AVEN: variants seen among roughly 807,000 people sequenced by gnomAD.
AVEN encodes cell death regulator Aven.
Under a neutral mutation model 38.1 loss-of-function variants are expected in AVEN, and 41 were observed. That is an observed-to-expected ratio of 1.08 (90% confidence interval 0.84 to 1.40). The LOEUF (loss-of-function observed/expected upper bound fraction) is 1.40. Among genes scored for constraint, AVEN ranks in the 40% most tolerant of loss-of-function variants. The pLI is 0.00. For synonymous variants in AVEN, 206 were observed against 171.8 expected (o/e 1.20, Z -1.56); for missense variants, 605 against 438.8 (o/e 1.38, Z -3.38).
intron 2 of AVEN, chr15:33,885,625 T>G (rs1319500050): frequency 6.6e-6 from 1 of 152,196 alleles, no homozygotes; most frequent in African/African-American, 2.4e-5. Flanking sequence ...TCTCACCAAG[T>G]GTAGGGCCCA....
chr15:33,946,608 G>C lies in AVEN; in HGVS notation c.445+56424C>G, dbSNP rs1374156566. ...AGATGTCATGACTGCTATGGCGCAA[G>C]AGGAAGCAGGCCGGTGGGTAGGAAG... On this transcript the variant is annotated intron_variant, in intron 2 of 5. Transcript: ENST00000306730. Among the ~76,000 whole-genome samples the C allele has an allele frequency of 3.3e-5, 5 of 152,242 alleles. No individual in the cohort carries two copies. The East Asian group carries it at 9.7e-4, about 30-fold the overall frequency.
chr15:34,034,777 CAGG>C (rs1899038908), intron 1 of AVEN, among the ~76,000 whole-genome samples: 1 of 152,152 alleles, frequency 6.6e-6, no homozygotes, highest in Admixed American at 6.5e-5. Flanking sequence ...TGGTTTGCAG[CAGG>C]AGGAGAGGTC....
At chr15:33,926,719 A>G (rs1336675855) in intron 2 of AVEN, among the ~76,000 whole-genome samples, 1 of 152,140 alleles carries the variant, frequency 6.6e-6, no homozygotes, top group African/African-American at 2.4e-5. Flanking sequence ...GGAGTGCACA[A>G]TCTCAGCTCA....
chr15:33,898,375 C>G (rs1892336592), intron 2 of AVEN, among the ~76,000 whole-genome samples: 1 of 152,202 alleles, frequency 6.6e-6, no homozygotes, highest in African/African-American at 2.4e-5. Context: ...CTTAAAACAA[C>G]AGAAACTTAT....
At chr15:33,931,780 C>T (rs1893863208) in intron 2 of AVEN, among the ~76,000 whole-genome samples, 1 of 152,124 alleles carries the variant, frequency 6.6e-6, no homozygotes, top group Admixed American at 6.5e-5. Context: ...TTAGAATTCA[C>T]ATAGTAAGCA....
At chr15:33,865,899 C>T (rs1217978615), downstream of AVEN, 1 of 152,206 alleles carries the variant, frequency 6.6e-6, no homozygotes, top group Non-Finnish European at 1.5e-5. Flanking sequence ...GTTATTCATA[C>T]AAGTTTTTTT....
At chr15:33,856,000 G>T (rs180881457), downstream of AVEN, 1 of 152,248 alleles carries the variant, frequency 6.6e-6, no homozygotes, top group Non-Finnish European at 1.5e-5. Flanking sequence ...AAGTTACAGT[G>T]TGCCAAGCTC....
intron 1 of AVEN, among the ~76,000 whole-genome samples, chr15:34,022,042 C>T (rs548013232): frequency 2.6e-5 from 4 of 152,298 alleles, no homozygotes; most frequent in Non-Finnish European, 5.9e-5. Flanking sequence ...TGGAATAAGA[C>T]GGCATTGTTT....
downstream of AVEN, chr15:33,857,929 A>G (rs1178782053): frequency 1.4e-6 from 2 of 1,380,050 alleles, no homozygotes; most frequent in Admixed American, 3.8e-5. Context: ...GAGCCCACCC[A>G]CTGCGGGGCC....
At chr15:33,895,947 G>A (rs894719904) in intron 2 of AVEN, among the ~76,000 whole-genome samples, 7 of 152,058 alleles carry the variant, frequency 4.6e-5, no homozygotes, top group African/African-American at 4.8e-5. Context: ...GCCTCCTAAC[G>A]CATAAGGCAG....
rs1255778137 is a variant in AVEN, at chr15:33,937,543, AAT to A, written c.446-61550_446-61549del. ...GCGAGACTCCATCTCAAAAAAAAAA[AAT>A]AAATCCTTCTACGGACTAAATGGTA... On this transcript the variant is annotated intron_variant, in intron 2 of 5. Coordinates refer to ENST00000306730, the MANE Select transcript of AVEN (RefSeq NM_020371.3). Among the ~76,000 whole-genome samples, 19 of 152,228 alleles carry A rather than the reference AAT, an allele frequency of 1.2e-4. No homozygotes were observed. The South Asian group carries it at 2.7e-3, about 22-fold the overall frequency.
intron 2 of AVEN, among the ~76,000 whole-genome samples, chr15:33,884,007 C>G (rs1891598130): frequency 6.6e-6 from 1 of 152,120 alleles, no homozygotes; most frequent in Non-Finnish European, 1.5e-5. Flanking sequence ...TGGCTCACAG[C>G]ATTTGTTATT....
downstream of AVEN, chr15:33,861,302 G>C: frequency 3.2e-6 from 2 of 627,230 alleles, no homozygotes; most frequent in South Asian, 1.8e-5. Flanking sequence ...GTCCCCATGA[G>C]CCTGTACCTT....
chr15:33,891,304 A>G (rs900964486), intron 2 of AVEN, among the ~76,000 whole-genome samples: 1 of 152,160 alleles, frequency 6.6e-6, no homozygotes, highest in Non-Finnish European at 1.5e-5. Context: ...ATATAGGTAT[A>G]CATGTGCCAT....
At chr15:34,017,481 T>G (rs1231453228) in intron 1 of AVEN, among the ~76,000 whole-genome samples, 1 of 51,954 alleles carries the variant, frequency 1.9e-5, no homozygotes, top group African/African-American at 4.2e-5. Context: ...TGATTTTTTT[T>G]TTGTTTTTTT....
At chr15:33,942,996 A>T (rs563996865) in intron 2 of AVEN, among the ~76,000 whole-genome samples, 7 of 152,370 alleles carry the variant, frequency 4.6e-5, no homozygotes, top group African/African-American at 1.7e-4. Flanking sequence ...ACATAAAGAA[A>T]GTGCACTGTT....
intron 2 of AVEN, among the ~76,000 whole-genome samples, chr15:33,955,140 G>A (rs1188081748): frequency 6.6e-6 from 1 of 152,076 alleles, no homozygotes; most frequent in Admixed American, 6.5e-5. Flanking sequence ...TTAAGTGTCA[G>A]AAAATACTAT....
chr15:33,854,916 T>C (rs201894323), downstream of AVEN: 24 of 1,607,520 alleles, frequency 1.5e-5, no homozygotes, highest in East Asian at 1.6e-4. Context: ...CAAACAGGTA[T>C]GGTTTCTACT....
At chr15:33,875,022 G>C (rs1259135447) in intron 3 of AVEN, among the ~76,000 whole-genome samples, 1 of 152,182 alleles carries the variant, frequency 6.6e-6, no homozygotes, top group Non-Finnish European at 1.5e-5. Context: ...TCTTTGTAAA[G>C]TGCCAGGCAG....
Sources: gnomAD v4.1 joint callset for allele counts (sites outside exome capture counted in the v4.1 genomes callset) on GRCh38, gnomAD v4.1.1 for gene constraint, MANE v1.5 for transcripts, NCBI Gene and HGNC (gene_info 2026-07-23, HGNC 2026-07-21) for gene names.